THSD7B: variants seen among roughly 807,000 people sequenced by gnomAD.
THSD7B encodes the protein thrombospondin type 1 domain containing 7B, also known as thrombospondin type-1 domain-containing protein 7B.
THSD7B carries 138 observed loss-of-function variants against 213.6 expected under a neutral mutation model. That is an observed-to-expected ratio of 0.65 (90% confidence interval 0.56 to 0.74). The LOEUF (loss-of-function observed/expected upper bound fraction) is 0.74. Among genes scored for constraint, THSD7B ranks in the 30% least tolerant of loss-of-function variants. The probability of loss-of-function intolerance (pLI) is 0.00; values close to 1 mark genes in which losing one functional copy is unlikely to be tolerated. For missense variants in THSD7B, 1,931 were observed against 1,991.5 expected (o/e 0.97, Z 0.58); for synonymous variants, 742 against 687.0 (o/e 1.08, Z -1.25).
chr2:137,217,697 A>G (rs1681281497), intron 7 of THSD7B, among the ~76,000 whole-genome samples: 1 of 152,166 alleles, frequency 6.6e-6, no homozygotes, highest in African/African-American at 2.4e-5. Context: ...AACCAAAAAC[A>G]TCTCAGATGC....
In THSD7B at chr2:137,385,374, G is replaced by A. The variant is rs188348369; in HGVS notation, c.2501-20239G>A. 2.6e-5 allele frequency among the ~76,000 whole-genome samples: 4 copies of A among 152,308 alleles called. No homozygotes were observed. In the East Asian group the frequency reaches 5.8e-4, roughly 22 times the overall value. The stretch of plus-strand genomic sequence containing the variant: ...AGAGGGCACCTGCCCTGGCCTCCAT[G>A]CCCCTGCTCTGGCCTTCTTGCTATG... On this transcript the variant is annotated intron_variant, in intron 12 of 27. Transcript: ENST00000409968.
chr2:137,396,959 C>T (rs1317628294), intron 12 of THSD7B, among the ~76,000 whole-genome samples: 2 of 140,566 alleles, frequency 1.4e-5, no homozygotes, highest in Non-Finnish European at 3.2e-5. Context: ...GGTTTTAAGT[C>T]TGTTTTATCA....
chr2:137,673,068 T>G (rs1381409214), intron 27 of THSD7B, among the ~76,000 whole-genome samples: 1 of 152,214 alleles, frequency 6.6e-6, no homozygotes, highest in African/African-American at 2.4e-5. Context: ...CTCCAAAGGC[T>G]TGTCTCTCAC....
intron 14 of THSD7B, among the ~76,000 whole-genome samples, chr2:137,441,160 T>C (rs1032198763): frequency 2.0e-5 from 3 of 152,158 alleles, no homozygotes; most frequent in Admixed American, 1.3e-4. Flanking sequence ...TTATATTTAG[T>C]GGTCTTTTAG....
intron 1 of THSD7B, among the ~76,000 whole-genome samples, chr2:136,817,126 C>T (rs984724190): frequency 6.6e-6 from 1 of 152,156 alleles, no homozygotes; most frequent in South Asian, 2.1e-4. Context: ...ACATGCTGAC[C>T]GGATGTAATT....
intron 1 of THSD7B, among the ~76,000 whole-genome samples, chr2:136,837,501 T>G (rs1297108280): frequency 6.6e-6 from 1 of 152,230 alleles, no homozygotes; most frequent in Non-Finnish European, 1.5e-5. Context: ...CTCATGTCAT[T>G]CAGAGTGACT....
chr2:137,412,597 C>CAAAAAAAAACAA (rs1686685299), intron 14 of THSD7B, among the ~76,000 whole-genome samples: 1 of 24,090 alleles, frequency 4.2e-5, no homozygotes, highest in Non-Finnish European at 8.9e-5. Context: ...AACTCTGTCT[C>CAAAAAAAAACAA]AAAAAAAAAA....
chr2:137,207,546 A>G (rs774541539), intron 7 of THSD7B, among the ~76,000 whole-genome samples: 4 of 152,102 alleles, frequency 2.6e-5, no homozygotes, highest in Non-Finnish European at 4.4e-5. Flanking sequence ...AGAAGACCCT[A>G]TCGATAAATC....
intron 3 of THSD7B, among the ~76,000 whole-genome samples, chr2:137,074,048 G>T (rs989754775): frequency 9.9e-5 from 15 of 151,984 alleles, no homozygotes; most frequent in Non-Finnish European, 1.3e-4. Flanking sequence ...GTGCTGAAAA[G>T]AATGTACATT....
chr2:137,595,608 A>C (rs1681943559), intron 17 of THSD7B, among the ~76,000 whole-genome samples: 1 of 152,010 alleles, frequency 6.6e-6, no homozygotes, highest in South Asian at 2.1e-4. Context: ...TTGGTATTGG[A>C]AATACTAAAA....
At chr2:137,502,059 GC>G (rs1679719523) in intron 15 of THSD7B, among the ~76,000 whole-genome samples, 1 of 152,126 alleles carries the variant, frequency 6.6e-6, no homozygotes, top group Admixed American at 6.6e-5. Flanking sequence ...AAACTCGTAA[GC>G]CAATAAATGA....
At chr2:137,096,890 C>T (rs188938442) in intron 4 of THSD7B, among the ~76,000 whole-genome samples, 1 of 152,316 alleles carries the variant, frequency 6.6e-6, no homozygotes, top group Non-Finnish European at 1.5e-5. Context: ...AGGCCCAGGG[C>T]TTAGCACATA....
intron 2 of THSD7B, among the ~76,000 whole-genome samples, chr2:136,983,781 A>G (rs903583451): frequency 6.6e-6 from 1 of 152,222 alleles, no homozygotes. Flanking sequence ...TGGTATATAC[A>G]TGATGTGCAG....
At chr2:137,157,242 G>A (rs965231873) in intron 5 of THSD7B, among the ~76,000 whole-genome samples, 3 of 152,174 alleles carry the variant, frequency 2.0e-5, no homozygotes, top group African/African-American at 7.2e-5. Flanking sequence ...GACAACAGAC[G>A]CCTACGATTC....
chr2:137,129,457 T>C (rs1217858073), intron 5 of THSD7B, among the ~76,000 whole-genome samples: 2 of 151,956 alleles, frequency 1.3e-5, no homozygotes, highest in African/African-American at 4.8e-5. Flanking sequence ...TTTTTTTTTT[T>C]AAGACAGAGT....
At chr2:136,825,662 C>T (rs1047489185) in intron 1 of THSD7B, among the ~76,000 whole-genome samples, 5 of 151,196 alleles carry the variant, frequency 3.3e-5, no homozygotes, top group African/African-American at 1.2e-4. Flanking sequence ...CGCCATTCTC[C>T]TGCCTCAGCC....
chr2:137,348,225 ACT>A (rs1684921860), intron 12 of THSD7B, among the ~76,000 whole-genome samples: 1 of 151,708 alleles, frequency 6.6e-6, no homozygotes, highest in African/African-American at 2.4e-5. Flanking sequence ...TCTCCACTGT[ACT>A]CTCTAGATGC....
At chr2:136,915,411 AT>A (rs1467347256) in intron 2 of THSD7B, among the ~76,000 whole-genome samples, 1 of 152,234 alleles carries the variant, frequency 6.6e-6, no homozygotes, top group Non-Finnish European at 1.5e-5. Context: ...GGCAGGCAAT[AT>A]AAGTATCACA....
chr2:137,271,514 GA>G (rs1178808332), intron 10 of THSD7B, among the ~76,000 whole-genome samples: 2 of 145,056 alleles, frequency 1.4e-5, no homozygotes, highest in African/African-American at 2.5e-5. Context: ...ATATATATAT[GA>G]TTTTTTTTCT....
Sources: allele counts gnomAD v4.1 joint callset (sites outside exome capture counted in the v4.1 genomes callset), GRCh38; gene constraint gnomAD v4.1.1; transcripts MANE v1.5; gene names NCBI Gene and HGNC (gene_info 2026-07-23, HGNC 2026-07-21).